Variants in MRTFB observed in about 807,000 individuals in gnomAD.
The protein encoded by MRTFB is myocardin-related transcription factor B.
Under a neutral mutation model 104.2 loss-of-function variants are expected in MRTFB, and 29 were observed. That is an observed-to-expected ratio of 0.28 (90% confidence interval 0.21 to 0.38). MRTFB has a LOEUF of 0.38. Ranked by LOEUF, MRTFB falls within the 10% of genes least tolerant of loss-of-function variation. The pLI, the probability that MRTFB is intolerant of heterozygous loss-of-function variation, is 1.00. For missense variants in MRTFB, 1,270 were observed against 1,341.6 expected (o/e 0.95, Z 0.83); for synonymous variants, 535 against 519.5 (o/e 1.03, Z -0.41).
chr16:14,118,765 AT>A (rs2036682051), intron 2 of MRTFB, among the ~76,000 whole-genome samples: 1 of 151,900 alleles, frequency 6.6e-6, no homozygotes, highest in African/African-American at 2.4e-5. Context: ...ACACATATAT[AT>A]ATAAACTATA....
chr16:14,022,351 T>G, the MRTFB span, among the ~76,000 whole-genome samples: 2 of 152,182 alleles, frequency 1.3e-5, no homozygotes, highest in African/African-American at 4.8e-5. Context: ...AACAACTCTA[T>G]CATAATCCCA....
At chr16:14,155,189 C>T (rs910220307) in intron 3 of MRTFB, among the ~76,000 whole-genome samples, 1 of 151,556 alleles carries the variant, frequency 6.6e-6, no homozygotes, top group African/African-American at 2.4e-5. Flanking sequence ...TTTTACAGTG[C>T]CTTATTAGAT....
At chr16:14,166,567 A>G (rs2039249616) in intron 3 of MRTFB, among the ~76,000 whole-genome samples, 1 of 152,088 alleles carries the variant, frequency 6.6e-6, no homozygotes. Context: ...ACATAGGTAA[A>G]TGTGCACCAT....
In MRTFB at chr16:14,217,179, C is replaced by T; in HGVS notation, c.406C>T (p.Arg136Ter). ...QATQMKLKRA[R>*]LADDLNEKIA... ...TACTCAGATGAAGTTGAAAAGAGCTCGACTAGCAGATGATCTGAATGAAAA... is the reference window on the plus strand; with the variant it reads ...TACTCAGATGAAGTTGAAAAGAGCTTGACTAGCAGATGATCTGAATGAAAA... The change falls in exon 7 of 17, where the codon CGA becomes TGA. Residue 136 changes from arginine (R) to a stop codon, truncating the protein, a stop_gained. Coordinates refer to ENST00000571589, the MANE Select transcript of MRTFB (RefSeq NM_001308142.2). LOFTEE classifies it high-confidence loss of function. 6.2e-7 allele frequency: 1 copy of T among 1,613,656 alleles called. No individual in the cohort carries two copies. The highest frequency in any genetic ancestry group is 8.5e-7 in the Non-Finnish European group (1 of 1,179,808).
chr16:14,235,423 G>T (rs1166581384), intron 9 of MRTFB, among the ~76,000 whole-genome samples: 2 of 152,156 alleles, frequency 1.3e-5, no homozygotes, highest in Non-Finnish European at 2.9e-5. Context: ...GGCACAGAGG[G>T]TCTGCGTGCA....
the MRTFB span, among the ~76,000 whole-genome samples, chr16:14,042,483 A>G: frequency 1.3e-5 from 2 of 152,096 alleles, no homozygotes; most frequent in East Asian, 1.9e-4. Context: ...TTATACCTCC[A>G]TGAGAACAAG....
upstream of MRTFB, among the ~76,000 whole-genome samples, chr16:14,070,039 G>C (rs1302090060): frequency 6.6e-6 from 1 of 152,342 alleles, no homozygotes; most frequent in East Asian, 1.9e-4. Flanking sequence ...CAGGTTTGGA[G>C]CATGGGCAGG....
At chr16:14,014,434 C>T in the MRTFB span, among the ~76,000 whole-genome samples, 1 of 152,024 alleles carries the variant, frequency 6.6e-6, no homozygotes, top group Non-Finnish European at 1.5e-5. Flanking sequence ...CACACGCCTA[C>T]AGTCCCAGCT....
At chr16:14,032,498 T>C in the MRTFB span, among the ~76,000 whole-genome samples, 2 of 152,202 alleles carry the variant, frequency 1.3e-5, no homozygotes, top group African/African-American at 4.8e-5. Context: ...GAAACGTACA[T>C]AAATGTTTCT....
At chr16:14,229,469 A>G (rs1453658592) in intron 8 of MRTFB, among the ~76,000 whole-genome samples, 1 of 152,238 alleles carries the variant, frequency 6.6e-6, no homozygotes, top group Admixed American at 6.5e-5. Context: ...CTTAAAATCT[A>G]TAATACAAAA....
chr16:14,078,530 A>G (rs1340762078), intron 1 of MRTFB, among the ~76,000 whole-genome samples: 1 of 151,816 alleles, frequency 6.6e-6, no homozygotes, highest in Non-Finnish European at 1.5e-5. Context: ...CCTAGGCTCA[A>G]TCAATCATCC....
At chr16:14,164,415 G>A (rs1252731041) in intron 3 of MRTFB, among the ~76,000 whole-genome samples, 1 of 152,002 alleles carries the variant, frequency 6.6e-6, no homozygotes, top group Non-Finnish European at 1.5e-5. Flanking sequence ...CTTTTTTAAT[G>A]GTTGAATAGT....
the MRTFB span, among the ~76,000 whole-genome samples, chr16:14,026,468 A>C: frequency 6.6e-6 from 1 of 152,258 alleles, no homozygotes; most frequent in Non-Finnish European, 1.5e-5. Flanking sequence ...ATATGGGGAA[A>C]TCTTCATCAC....
At chr16:14,097,604 T>C (rs1224847478) in intron 2 of MRTFB, among the ~76,000 whole-genome samples, 2 of 152,210 alleles carry the variant, frequency 1.3e-5, no homozygotes, top group Admixed American at 1.3e-4. Context: ...TCCAGTAAAC[T>C]GCACATTTAA....
intron 15 of MRTFB, among the ~76,000 whole-genome samples, chr16:14,253,405 G>A (rs2043337645): frequency 6.6e-6 from 1 of 152,212 alleles, no homozygotes; most frequent in Non-Finnish European, 1.5e-5. Context: ...AGGAACATCA[G>A]TGCAGTTGTA....
At chr16:14,220,193 CTA>C (rs1202094861) in intron 8 of MRTFB, among the ~76,000 whole-genome samples, 3 of 152,196 alleles carry the variant, frequency 2.0e-5, no homozygotes, top group African/African-American at 7.2e-5. Context: ...GCAAGGGAGA[CTA>C]AACCCTACTG....
At chr16:14,012,719 G>A in the MRTFB span, among the ~76,000 whole-genome samples, 59 of 152,182 alleles carry the variant, frequency 3.9e-4, no homozygotes, top group Admixed American at 6.5e-4. Context: ...ATGTATGAAC[G>A]TTTAACATGC....
At position 14,264,501 on chromosome 16, in the gene MRTFB, A is replaced by G. The variant is rs2043879492; in HGVS notation, c.*3057A>G. The stretch of plus-strand genomic sequence containing the variant: ...GTGTTTTTCCTGAAATGTGCAATCT[A>G]CTGTATAGTATTGCCACATAATTGT... On this transcript the variant is annotated 3_prime_UTR_variant, in exon 17 of 17. Coordinates refer to ENST00000571589, the MANE Select transcript of MRTFB (RefSeq NM_001308142.2). The G allele has an allele frequency of 1.3e-5, 2 of 152,218 alleles. No homozygotes were observed. The highest frequency in any genetic ancestry group is 4.8e-5 in the African/African-American group (2 of 41,462). The allele number at this position is 152,218 out of a possible 1,614,324, so 9.4% of individuals were successfully genotyped here. A position where few individuals can be genotyped will look rare whatever the true frequency, so the allele number is the denominator to read the frequency against.
intron 8 of MRTFB, among the ~76,000 whole-genome samples, chr16:14,222,607 C>T (rs2041786327): frequency 6.6e-6 from 1 of 151,348 alleles, no homozygotes; most frequent in Non-Finnish European, 1.5e-5. Context: ...CTGACTGAGG[C>T]AGGGGGCAGT....
Sources: gnomAD v4.1 joint callset for allele counts (sites outside exome capture counted in the v4.1 genomes callset) on GRCh38, gnomAD v4.1.1 for gene constraint, MANE v1.5 for transcripts, NCBI Gene and HGNC (gene_info 2026-07-23, HGNC 2026-07-21) for gene names.